Variants in JPH3 observed in about 807,000 individuals in gnomAD.
The protein encoded by JPH3 is junctophilin-3.
JPH3 carries 11 observed loss-of-function variants against 59.6 expected under a neutral mutation model. That is an observed-to-expected ratio of 0.18 (90% CI 0.12 to 0.31). The LOEUF is 0.31. Among genes scored for constraint, JPH3 ranks in the 10% least tolerant of loss-of-function variants. The pLI, the probability that JPH3 is intolerant of heterozygous loss-of-function variation, is 1.00. For missense variants in JPH3, 1,202 were observed against 1,105.7 expected, an observed-to-expected ratio of 1.09 and a Z score of -1.24; for synonymous variants, 673 against 483.6, an observed-to-expected ratio of 1.39 and a Z score of -5.14.
At position 87,647,393 on chromosome 16, in the gene JPH3, G is replaced by A. The variant is rs376365359; in HGVS notation, c.1160+2358G>A. The stretch of plus-strand genomic sequence containing the variant: ...TTAATGGACAGAAGGACAGACAGAC[G>A]GGTGGAGGGAGTGAGAGGGAAAGGA... On this transcript the variant is annotated intron_variant, in intron 2 of 4. Transcript: ENST00000284262. Among the ~76,000 whole-genome samples the A allele has an allele frequency of 1.8e-3, 280 of 152,160 alleles. 3 individuals carry two copies. The highest frequency in any genetic ancestry group is 0.01 in the Middle Eastern group (3 of 294).
chr16:87,689,893 G>C lies in JPH3; in HGVS notation c.1533G>C (p.Arg511=), dbSNP rs879325847. 6 of 1,471,818 alleles carry C rather than the reference G, an allele frequency of 4.1e-6. No homozygotes were observed. Among genetic ancestry groups the C allele is most frequent in the Non-Finnish European group, 5.4e-6 (6 of 1,112,546 alleles). 91.2% of individuals were successfully genotyped at this position (1,471,818 alleles called of 1,614,324 possible). A position where few individuals can be genotyped will look rare whatever the true frequency, so the allele number is the denominator to read the frequency against. ...FSRQVSVDEE[R]GGDIQMLLEG... is the part of the protein sequence containing the mutation. ...GGCAGGTGTCGGTGGACGAGGAGCGGGGCGGGGACATCCAGATGCTCCTGG... is the reference window on the plus strand; with the variant it reads ...GGCAGGTGTCGGTGGACGAGGAGCGCGGCGGGGACATCCAGATGCTCCTGG... Residue 511 remains arginine, a synonymous_variant, in exon 4 of 5, where the codon CGG becomes CGC. Transcript: ENST00000284262.
chr16:87,690,061 G>C lies in JPH3; in HGVS notation c.1701G>C (p.Gly567=). The change falls in exon 4 of 5, where the codon GGG becomes GGC. Residue 567 remains glycine, a synonymous_variant. Coordinates refer to ENST00000284262, the MANE Select transcript of JPH3 (RefSeq NM_020655.4). ...RTRGSGRKQP[G]NPKPRERRTE... is the part of the protein sequence containing the mutation. Reference sequence around the variant, plus strand: ...GAGGTTCGGGCCGCAAGCAGCCCGGGAACCCCAAGCCGCGGGAGCGGCGGA... The same window carrying C: ...GAGGTTCGGGCCGCAAGCAGCCCGGCAACCCCAAGCCGCGGGAGCGGCGGA... The C allele has an allele frequency of 1.3e-6, 2 of 1,573,896 alleles. No individual in the cohort carries two copies. The highest frequency in any genetic ancestry group is 1.7e-6 in the Non-Finnish European group (2 of 1,159,508).
intron 1 of JPH3, 40 bp from the exon 2 acceptor site, chr16:87,644,218 C>T: frequency 1.9e-6 from 3 of 1,560,544 alleles, no homozygotes; most frequent in South Asian, 1.2e-5. Context: ...GCCCCCTCCT[C>T]TGTCGCTGGG....
At chr16:87,615,302 G>C (rs373738942) in intron 1 of JPH3, among the ~76,000 whole-genome samples, 13 of 152,238 alleles carry the variant, frequency 8.5e-5, no homozygotes, top group African/African-American at 2.4e-4. Flanking sequence ...GCCTGGGCTG[G>C]AGTAGACCCA....
At chr16:87,636,391 G>C (rs2031747855) in intron 1 of JPH3, among the ~76,000 whole-genome samples, 1 of 152,242 alleles carries the variant, frequency 6.6e-6, no homozygotes, top group African/African-American at 2.4e-5. Flanking sequence ...CAAAGGGCTG[G>C]GGGTGGCCGA....
chr16:87,642,630 C>T (rs2031991869), intron 1 of JPH3, among the ~76,000 whole-genome samples: 1 of 152,216 alleles, frequency 6.6e-6, no homozygotes, highest in Non-Finnish European at 1.5e-5. Flanking sequence ...AAAGCCCTTT[C>T]CAGGGTGGCA....
At chr16:87,635,730 G>A (rs549119073) in intron 1 of JPH3, among the ~76,000 whole-genome samples, 15 of 152,168 alleles carry the variant, frequency 9.9e-5, no homozygotes, top group African/African-American at 3.4e-4. Flanking sequence ...TCTAGTCGGC[G>A]TTTCACGGGC....
intron 1 of JPH3, among the ~76,000 whole-genome samples, chr16:87,627,887 C>A (rs958986875): frequency 6.6e-6 from 1 of 152,212 alleles, no homozygotes; most frequent in Non-Finnish European, 1.5e-5. Context: ...CTGCAGGCCA[C>A]CCCGCCCCTC....
chr16:87,636,681 T>A (rs1357551428), intron 1 of JPH3, among the ~76,000 whole-genome samples: 1 of 152,166 alleles, frequency 6.6e-6, no homozygotes, highest in Non-Finnish European at 1.5e-5. Context: ...ATATCAGTTA[T>A]AAAATCAGAG....
intron 1 of JPH3, among the ~76,000 whole-genome samples, chr16:87,629,930 T>C (rs1271254054): frequency 6.6e-6 from 1 of 152,172 alleles, no homozygotes; most frequent in Non-Finnish European, 1.5e-5. Flanking sequence ...ATATGGGAAC[T>C]CTCTGTACTT....
At chr16:87,612,428 G>A (rs1047429899) in intron 1 of JPH3, among the ~76,000 whole-genome samples, 1 of 152,150 alleles carries the variant, frequency 6.6e-6, no homozygotes, top group African/African-American at 2.4e-5. Flanking sequence ...CAGGATTACA[G>A]GTGTGAGCAA....
intron 2 of JPH3, among the ~76,000 whole-genome samples, chr16:87,651,106 A>G (rs965878160): frequency 6.6e-6 from 1 of 152,242 alleles, no homozygotes; most frequent in African/African-American, 2.4e-5. Context: ...TAGGGCCCAT[A>G]AGAATTGTGT....
At chr16:87,689,605 C>G (rs937696496) in intron 3 of JPH3, 41 bp from the exon 4 acceptor site, 1 of 1,596,478 alleles carries the variant, frequency 6.3e-7, no homozygotes, top group African/African-American at 1.3e-5. Context: ...GTGGAATGTG[C>G]TGGGTAACGC....
chr16:87,646,029 G>A (rs1391251108), intron 2 of JPH3, among the ~76,000 whole-genome samples: 1 of 152,242 alleles, frequency 6.6e-6, no homozygotes, highest in Non-Finnish European at 1.5e-5. Flanking sequence ...GAGAGTCTTG[G>A]GGCAGGGATC....
rs879242783 is a variant in JPH3, at chr16:87,644,496, C to G, written c.621C>G (p.Leu207=). The G allele has an allele frequency of 1.9e-6, 3 of 1,612,864 alleles. No individual in the cohort carries two copies. The highest frequency in any genetic ancestry group is 2.7e-5 in the African/African-American group (2 of 74,938). ...TGGCCCACAGTGACTCCGAGATCCTCAAGAGCAAGAAGAAGGGGCTGTTTC... is the reference window on the plus strand; with the variant it reads ...TGGCCCACAGTGACTCCGAGATCCTGAAGAGCAAGAAGAAGGGGCTGTTTC... ...VLVAHSDSEI[L]KSKKKGLFRR... The change falls in exon 2 of 5, where the codon CTC becomes CTG. Residue 207 remains leucine, a synonymous_variant. Coordinates refer to ENST00000284262, the MANE Select transcript of JPH3 (RefSeq NM_020655.4).
At position 87,603,513 on chromosome 16, in the gene JPH3, A is replaced by T; in HGVS notation, c.367A>T (p.Thr123Ser). 3 of 1,549,440 alleles carry T rather than the reference A, an allele frequency of 1.9e-6. No homozygotes were observed. Among genetic ancestry groups the T allele is most frequent in the Non-Finnish European group, 2.6e-6 (3 of 1,147,234 alleles). ...NGLQDGYGTETYSDGGTYQGQ... is the reference protein window; with the variant it reads ...NGLQDGYGTESYSDGGTYQGQ... Reference sequence around the variant, plus strand: ...GCTGCAGGACGGCTACGGGACCGAGACCTACTCGGACGGAGGTAGGTGCCG... The same window carrying T: ...GCTGCAGGACGGCTACGGGACCGAGTCCTACTCGGACGGAGGTAGGTGCCG... Residue 123 changes from threonine to serine, a missense_variant, in exon 1 of 5, where the codon ACC (threonine) becomes TCC (serine). Physicochemically the swap from Thr to Ser is moderately conservative, Grantham distance 58. Coordinates refer to ENST00000284262, the MANE Select transcript of JPH3 (RefSeq NM_020655.4).
intron 2 of JPH3, among the ~76,000 whole-genome samples, chr16:87,673,327 A>AT (rs1415186168): frequency 2.0e-5 from 3 of 151,692 alleles, no homozygotes; most frequent in African/African-American, 7.3e-5. Context: ...TAAAAAAAAA[A>AT]ACTGATCTAC....
intron 1 of JPH3, among the ~76,000 whole-genome samples, chr16:87,629,308 G>A (rs903894805): frequency 1.3e-5 from 2 of 151,910 alleles, no homozygotes; most frequent in African/African-American, 4.8e-5. Flanking sequence ...CAAAACAAAA[G>A]GCAGCTGATG....
At chr16:87,654,408 C>G (rs1341930119) in intron 2 of JPH3, 1 of 152,298 alleles carries the variant, frequency 6.6e-6, no homozygotes, top group Non-Finnish European at 1.5e-5. Context: ...GCTTCCTTCT[C>G]AGCATTCAGC....
Sources: allele counts gnomAD v4.1 joint callset (sites outside exome capture counted in the v4.1 genomes callset), GRCh38; gene constraint gnomAD v4.1.1; transcripts MANE v1.5; gene names NCBI Gene and HGNC (gene_info 2026-07-23, HGNC 2026-07-21).